Variants in COL9A3 observed in about 807,000 individuals in gnomAD.
COL9A3 encodes collagen type IX alpha 3 chain, also known as collagen alpha-3(IX) chain.
COL9A3 carries 82 observed loss-of-function variants against 110.2 expected under a neutral mutation model. The observed-to-expected ratio is 0.74, with a 90% CI of 0.62 to 0.89. The LOEUF (loss-of-function observed/expected upper bound fraction) is 0.89, where lower values mean the gene tolerates loss of function less well. Among genes scored for constraint, COL9A3 ranks in the 40% least tolerant of loss-of-function variants. The pLI is 0.00. For synonymous variants in COL9A3, 494 were observed against 403.8 expected (o/e 1.22, Z -2.68); for missense variants, 1,066 against 981.3 (o/e 1.09, Z -1.15).
intron 26 of COL9A3, among the ~76,000 whole-genome samples, chr20:62,835,123 C>T (rs1007159098): frequency 6.6e-5 from 10 of 152,242 alleles, no homozygotes; most frequent in African/African-American, 1.7e-4. Flanking sequence ...TCCTGGCCTC[C>T]GCGGAGCATG....
chr20:62,826,513 G>A (rs911754509), intron 14 of COL9A3, among the ~76,000 whole-genome samples: 1 of 152,198 alleles, frequency 6.6e-6, no homozygotes, highest in African/African-American at 2.4e-5. Context: ...GCGTGTGCCC[G>A]GGCGAGGGCT....
At chr20:62,822,025 G>A in intron 8 of COL9A3, 86 bp from the exon 9 acceptor site, 1 of 893,556 alleles carries the variant, frequency 1.1e-6, no homozygotes, top group Non-Finnish European at 1.9e-6. Context: ...GTGGGAGCTG[G>A]GCGTGTCCAC....
chr20:62,834,940 A>G (rs1256134110), intron 26 of COL9A3, among the ~76,000 whole-genome samples: 1 of 152,196 alleles, frequency 6.6e-6, no homozygotes, highest in African/African-American at 2.4e-5. Flanking sequence ...CGCCCAGCCC[A>G]TTTAGTGAAT....
Position 62,826,232 on chromosome 20 carries a change from G to C in COL9A3, c.713G>C (p.Gly238Ala), listed in dbSNP as rs1475047922. 4 of 1,559,140 alleles carry C rather than the reference G, an allele frequency of 2.6e-6. No homozygotes were observed. The African/African-American group carries it at 5.4e-5, about 21-fold the overall frequency. ...QGPRGLRGLP[G>A]PLGPPGDRGP... ...CCCCGGGGATTACGAGGACTGCCAG[G>C]GCCACTCGGGCCCCCTGGGGACCGG... is the stretch of plus-strand genomic sequence containing the variant. Residue 238 changes from glycine (G) to alanine (A), a missense_variant, in exon 14 of 32, where the codon GGG becomes GCG. Gly to Ala is a moderately conservative substitution (Grantham distance 60, BLOSUM62 0). Coordinates refer to ENST00000649368, the MANE Select transcript of COL9A3 (RefSeq NM_001853.4).
At chr20:62,822,568 T>A (rs944437241) in intron 9 of COL9A3, 23 bp from the exon 10 acceptor site, 1 of 1,611,778 alleles carries the variant, frequency 6.2e-7, no homozygotes. Context: ...CGGGAGAATG[T>A]CAGCTGTCTC....
intron 16 of COL9A3, 147 bp downstream of exon 16, chr20:62,827,441 G>A: frequency 1.3e-6 from 1 of 796,748 alleles, no homozygotes; most frequent in Non-Finnish European, 2.0e-6. Flanking sequence ...GGGTGAGCCT[G>A]ACCCTGGAGG....
intron 23 of COL9A3, 30 bp from the exon 24 acceptor site, chr20:62,830,487 G>A (rs888845314): frequency 1.2e-6 from 2 of 1,602,328 alleles, no homozygotes; most frequent in Admixed American, 1.7e-5. Flanking sequence ...CAGGGTATGG[G>A]CACTGACGAG....
rs1398643301 is a variant in COL9A3, at chr20:62,837,198, C to A, written c.1719C>A (p.His573Gln). ...GPPGPPGSIG[H>Q]PGARGPPGYR... Reference sequence around the variant, plus strand: ...CAGGACCCCCAGGCTCCATTGGTCACCCTGGCGCTCGAGGACCCCCTGGAT... The same window carrying A: ...CAGGACCCCCAGGCTCCATTGGTCAACCTGGCGCTCGAGGACCCCCTGGAT... The change falls in exon 30 of 32, where the codon CAC becomes CAA. Residue 573 changes from histidine (H) to glutamine (Q), a missense_variant. Coordinates refer to ENST00000649368, the MANE Select transcript of COL9A3 (RefSeq NM_001853.4). 1.9e-6 allele frequency: 3 copies of A among 1,612,386 alleles called. No homozygotes were observed. The highest frequency in any genetic ancestry group is 1.1e-5 in the South Asian group (1 of 91,062).
intron 19 of COL9A3, 33 bp from the exon 20 acceptor site, chr20:62,829,422 T>C: frequency 6.2e-7 from 1 of 1,612,420 alleles, no homozygotes; most frequent in Non-Finnish European, 8.5e-7. Flanking sequence ...GCAATGTAAC[T>C]GGCAGCCCTG....
chr20:62,836,378 C>T lies in COL9A3; in HGVS notation c.1548+45C>T, dbSNP rs370472311. On this transcript the variant is annotated intron_variant, in intron 28 of 31. Coordinates refer to ENST00000649368, the MANE Select transcript of COL9A3 (RefSeq NM_001853.4). ...TTTCCAGCTTTCACAGGGTTGAGAT[C>T]GTGTTTTTTCCGGAAGGAAGTTACT... 141 of 1,613,960 alleles carry T rather than the reference C, an allele frequency of 8.7e-5. No homozygotes were observed. The South Asian group carries it at 9.8e-4, about 11-fold the overall frequency.
Position 62,840,794 on chromosome 20 carries a change from G to GC in COL9A3, c.*63dup. The GC allele has an allele frequency of 1.3e-6, 2 of 1,538,348 alleles. No individual in the cohort carries two copies. The highest frequency in any genetic ancestry group is 1.4e-5 in the African/African-American group (1 of 72,858). On this transcript the variant is annotated 3_prime_UTR_variant, in exon 32 of 32. Transcript: ENST00000649368. ...AAGCACAGTGGACGGTCATGAAGGA[G>GC]CGGGGGTGTGGCAGGCGGGTGACGT...
intron 26 of COL9A3, 43 bp from the exon 27 acceptor site, chr20:62,835,878 C>G (rs561332343): frequency 2.4e-5 from 39 of 1,612,174 alleles, no homozygotes; most frequent in Non-Finnish European, 3.1e-5. Context: ...CCCACCCACC[C>G]AACAATACAC....
chr20:62,827,244 G>A lies in COL9A3; in HGVS notation c.796G>A (p.Asp266Asn). Residue 266 changes from aspartate to asparagine, a missense_variant, in exon 16 of 32, where the codon GAC (aspartate) becomes AAC (asparagine). Physicochemically the swap from Asp to Asn is conservative, Grantham distance 23 (BLOSUM62 1). Coordinates refer to ENST00000649368, the MANE Select transcript of COL9A3 (RefSeq NM_001853.4). ...TGCCCCACCTCATCCTTTCCAGGGT[G>A]ACCGAGGCGAGAGGGGCCCAGAAGG... ...GIPGAPGKAGDRGERGPEGFR... is the reference protein window; with the variant it reads ...GIPGAPGKAGNRGERGPEGFR... The A allele has an allele frequency of 6.2e-7, 1 of 1,613,294 alleles. No homozygotes were observed. Among genetic ancestry groups the A allele is most frequent in the Non-Finnish European group, 8.5e-7 (1 of 1,179,966 alleles).
chr20:62,835,287 G>T (rs2063626461), intron 26 of COL9A3, among the ~76,000 whole-genome samples: 1 of 152,196 alleles, frequency 6.6e-6, no homozygotes, highest in Non-Finnish European at 1.5e-5. Context: ...AAGACCGAGG[G>T]GTGCATCCAT....
chr20:62,817,224 G>A, intron 1 of COL9A3, 82 bp downstream of exon 1: 1 of 1,065,642 alleles, frequency 9.4e-7, no homozygotes, highest in Non-Finnish European at 1.2e-6. Flanking sequence ...GGGGTGCCCG[G>A]CGCAGCCTCG....
intron 5 of COL9A3, among the ~76,000 whole-genome samples, chr20:62,820,907 AC>A (rs1225327183): frequency 6.6e-6 from 1 of 151,854 alleles, no homozygotes; most frequent in East Asian, 1.9e-4. Context: ...GGAGACAGGC[AC>A]CCCGGGTCAC....
At chr20:62,826,471 C>T (rs577828683) in intron 14 of COL9A3, among the ~76,000 whole-genome samples, 2 of 152,310 alleles carry the variant, frequency 1.3e-5, no homozygotes, top group African/African-American at 4.8e-5. Flanking sequence ...GATGCCCGCA[C>T]GCGGTCCCAG....
rs969514724 is a variant in COL9A3 at position 62,839,956 on chromosome 20, G to C, written c.1865-586G>C. 3.9e-5 allele frequency among the ~76,000 whole-genome samples: 6 copies of C among 152,224 alleles called. 2 individuals carry two copies. Among genetic ancestry groups the C allele is most frequent in the East Asian group, 1.9e-4 (1 of 5,170 alleles). On this transcript the variant is annotated intron_variant, in intron 31 of 31. Coordinates refer to ENST00000649368, the MANE Select transcript of COL9A3 (RefSeq NM_001853.4). Reference sequence around the variant, plus strand: ...CTCTACCTGGTGTCCAAACGCACAGGGGTCCCAGGCCCCAGCCACGTCTCT... The same window carrying C: ...CTCTACCTGGTGTCCAAACGCACAGCGGTCCCAGGCCCCAGCCACGTCTCT...
intron 5 of COL9A3, among the ~76,000 whole-genome samples, chr20:62,820,836 G>A (rs890250239): frequency 2.6e-5 from 4 of 152,218 alleles, no homozygotes; most frequent in Non-Finnish European, 4.4e-5. Context: ...GCTCGCTGAC[G>A]TGGGCGGGGG....
Sources: gnomAD v4.1 joint callset for allele counts (sites outside exome capture counted in the v4.1 genomes callset) on GRCh38, gnomAD v4.1.1 for gene constraint, MANE v1.5 for transcripts, NCBI Gene and HGNC (gene_info 2026-07-23, HGNC 2026-07-21) for gene names.